The following RFTN1 variants were observed in gnomAD, a reference collection of about 807,000 sequenced individuals.
The protein encoded by RFTN1 is raftlin, lipid raft linker 1.
A neutral mutation model predicts 46.5 loss-of-function variants in RFTN1; 26 were observed. The observed-to-expected ratio is 0.56, with a 90% CI of 0.41 to 0.78. RFTN1 has a LOEUF of 0.78. Ranked by LOEUF, RFTN1 falls within the 30% of genes least tolerant of loss-of-function variation. The pLI, the probability that RFTN1 is intolerant of heterozygous loss-of-function variation, is 0.00. For synonymous variants in RFTN1, 261 were observed against 284.2 expected, an observed-to-expected ratio of 0.92 and a Z score of 0.82; for missense variants, 693 against 718.7, an observed-to-expected ratio of 0.96 and a Z score of 0.41.
Position 16,321,496 on chromosome 3 carries a change from C to A in RFTN1, c.1332+1880G>T, listed in dbSNP as rs115557196. 7.5e-3 allele frequency among the ~76,000 whole-genome samples: 1,135 copies of A among 152,234 alleles called. 19 individuals carry two copies. The highest frequency in any genetic ancestry group is 0.026 in the African/African-American group (1,066 of 41,522). ...ACTCTCGGTCACCAGGGGACACAGG[C>A]CTGTGGGAGTAGGACGCTGACCCTT... On this transcript the variant is annotated intron_variant, in intron 9 of 9. Coordinates refer to ENST00000334133, the MANE Select transcript of RFTN1 (RefSeq NM_015150.2). This position sits in a 1 kb window ranked among gnomAD's most constrained non-coding sequence, Gnocchi z 4.8.
rs368987967 is a variant in RFTN1, at chr3:16,365,324, C to A, written c.1030+4752G>T. 3.3e-5 allele frequency among the ~76,000 whole-genome samples: 5 copies of A among 152,200 alleles called. No homozygotes were observed. The East Asian group carries it at 9.6e-4, about 29-fold the overall frequency. On this transcript the variant is annotated intron_variant, in intron 6 of 9. Coordinates refer to ENST00000334133, the MANE Select transcript of RFTN1 (RefSeq NM_015150.2). ...CACCACTGGCATTATTGAGCATCAT[C>A]CAGAACTATCATTAGCCACCTTCTG...
chr3:16,436,945 C>T (rs1409299155), intron 2 of RFTN1, among the ~76,000 whole-genome samples: 1 of 152,170 alleles, frequency 6.6e-6, no homozygotes, highest in Non-Finnish European at 1.5e-5. Flanking sequence ...ATTCCCCTTG[C>T]TCCACTAAAA....
chr3:16,457,244 T>A lies in RFTN1; in HGVS notation c.146-23207A>T, dbSNP rs567997033. ...TCAGTAAACATTGCAGGGAGGCAAG[T>A]CTTCTTAAGAAGCAGTTTAACTCAG... On this transcript the variant is annotated intron_variant, in intron 2 of 9. Transcript: ENST00000334133. This position sits in a 1 kb window ranked among gnomAD's most constrained non-coding sequence, Gnocchi z 4.2. 6.6e-5 allele frequency among the ~76,000 whole-genome samples: 10 copies of A among 152,238 alleles called. No individual in the cohort carries two copies. The highest frequency in any genetic ancestry group is 1.2e-4 in the Non-Finnish European group (8 of 68,044).
chr3:16,408,028 T>A (rs532658557), intron 4 of RFTN1, among the ~76,000 whole-genome samples: 1 of 152,290 alleles, frequency 6.6e-6, no homozygotes, highest in South Asian at 2.1e-4. Flanking sequence ...AGCCTAATCA[T>A]TTTACTGTTA....
Position 16,338,047 on chromosome 3 carries a change from C to T in RFTN1, c.1147-11171G>A, listed in dbSNP as rs1181724183. 6.6e-6 allele frequency among the ~76,000 whole-genome samples: 1 copy of T among 152,232 alleles called. No individual in the cohort carries two copies. Among genetic ancestry groups the T allele is most frequent in the Non-Finnish European group, 1.5e-5 (1 of 68,038 alleles). ...GTTGCCCTGGCTTCTCCTAAAGCACCATGCCAAGCTGGCAAGAAAACCAAA... is the reference window on the plus strand; with the variant it reads ...GTTGCCCTGGCTTCTCCTAAAGCACTATGCCAAGCTGGCAAGAAAACCAAA... On this transcript the variant is annotated intron_variant, in intron 7 of 9. Transcript: ENST00000334133. This position sits in a 1 kb window ranked among gnomAD's most constrained non-coding sequence, Gnocchi z 5.3.
chr3:16,327,965 G>C lies in RFTN1; in HGVS notation c.1147-1089C>G, dbSNP rs1044272876. ...GTAACTGGACTCCTCATCCCTCATA[G>C]TTTGGCTTCTTGTAGTTGGCTTCCG... On this transcript the variant is annotated intron_variant, in intron 7 of 9. Transcript: ENST00000334133. The surrounding 1 kb of genome is among the most constrained non-coding windows in gnomAD (Gnocchi z 4.2). Among the ~76,000 whole-genome samples the C allele has an allele frequency of 6.6e-6, 1 of 152,214 alleles. No homozygotes were observed. Among genetic ancestry groups the C allele is most frequent in the Admixed American group, 6.5e-5 (1 of 15,288 alleles).
chr3:16,454,035 A>G (rs4685341), intron 2 of RFTN1, among the ~76,000 whole-genome samples: 125,114 of 152,214 alleles, frequency 0.82, 51,672 homozygotes, highest in African/African-American at 0.9. Flanking sequence ...GGTGAACAGG[A>G]CATGATGCCA....
Position 16,483,990 on chromosome 3 carries a change from A to C in RFTN1, c.145+9735T>G, listed in dbSNP as rs2076408208. On this transcript the variant is annotated intron_variant, in intron 2 of 9. Transcript: ENST00000334133. This position sits in a 1 kb window ranked among gnomAD's most constrained non-coding sequence, Gnocchi z 4.8. ...AGGTTGGGAACCACTCCTTTAAGCT[A>C]ATGATTAGTTTTAAAGGCTTTTCTG... 6.6e-6 allele frequency among the ~76,000 whole-genome samples: 1 copy of C among 152,254 alleles called. No homozygotes were observed. Among genetic ancestry groups the C allele is most frequent in the Admixed American group, 6.5e-5 (1 of 15,298 alleles).
At chr3:16,462,804 G>A (rs576787023) in intron 2 of RFTN1, among the ~76,000 whole-genome samples, 38 of 152,366 alleles carry the variant, frequency 2.5e-4, no homozygotes, top group African/African-American at 7.7e-4. Flanking sequence ...AATGGGTGCA[G>A]GTCTCGTTTG....
rs1192999786 is a variant in RFTN1 at position 16,329,517 on chromosome 3, C to A, written c.1147-2641G>T. 6.6e-6 allele frequency among the ~76,000 whole-genome samples: 1 copy of A among 152,152 alleles called. No homozygotes were observed. The highest frequency in any genetic ancestry group is 1.9e-4 in the East Asian group (1 of 5,184). On this transcript the variant is annotated intron_variant, in intron 7 of 9. Coordinates refer to ENST00000334133, the MANE Select transcript of RFTN1 (RefSeq NM_015150.2). The surrounding 1 kb of genome is among the most constrained non-coding windows in gnomAD (Gnocchi z 4.5). ...GCCAGAGATGGCCCAGCAGTTGTGACCATCCTTTCTGCCTGGCCTCTGGGC... is the reference window on the plus strand; with the variant it reads ...GCCAGAGATGGCCCAGCAGTTGTGAACATCCTTTCTGCCTGGCCTCTGGGC...
chr3:16,377,630 C>G, intron 5 of RFTN1, 88 bp downstream of exon 5: 1 of 1,506,776 alleles, frequency 6.6e-7, no homozygotes, highest in South Asian at 1.4e-5. Context: ...AAATTCCATT[C>G]CTTTTTCTCT....
rs536168302 is a variant in RFTN1 at position 16,403,597 on chromosome 3, A to T, written c.441+5778T>A. Among the ~76,000 whole-genome samples the T allele has an allele frequency of 3.3e-3, 209 of 63,478 alleles. 35 individuals are homozygous for T. The highest frequency in any genetic ancestry group is 0.016 in the African/African-American group (203 of 12,970). The allele number at this position is 63,478 out of a possible 152,430, so 41.6% of individuals were successfully genotyped here. Reference sequence around the variant, plus strand: ...ACATATATTATATTTTATATATATAATATATAATATATATATAATATATAT... The same window carrying T: ...ACATATATTATATTTTATATATATATTATATAATATATATATAATATATAT... On this transcript the variant is annotated intron_variant, in intron 4 of 9. Coordinates refer to ENST00000334133, the MANE Select transcript of RFTN1 (RefSeq NM_015150.2).
chr3:16,465,263 T>C lies in RFTN1; in HGVS notation c.145+28462A>G, dbSNP rs918867593. On this transcript the variant is annotated intron_variant, in intron 2 of 9. Coordinates refer to ENST00000334133, the MANE Select transcript of RFTN1 (RefSeq NM_015150.2). This position sits in a 1 kb window ranked among gnomAD's most constrained non-coding sequence, Gnocchi z 5.1. ...TAGTATTTCATAGAGGTTTTTGTTG[T>C]TGTTGTTCAGAAAATGAACATATAA... Among the ~76,000 whole-genome samples the C allele has an allele frequency of 2.6e-5, 4 of 152,032 alleles. No homozygotes were observed. The highest frequency in any genetic ancestry group is 9.7e-5 in the African/African-American group (4 of 41,424).
In RFTN1 at chr3:16,404,337, TATATATA is replaced by T. The variant is rs1439786923; in HGVS notation, c.441+5031_441+5037del. ...ATTATATATAATATATAATATATAA[TATATATA>T]ATATATAATATATATACACAATATA... On this transcript the variant is annotated intron_variant, in intron 4 of 9. Coordinates refer to ENST00000334133, the MANE Select transcript of RFTN1 (RefSeq NM_015150.2). Among the ~76,000 whole-genome samples the T allele has an allele frequency of 5.1e-4, 17 of 33,554 alleles. 3 individuals are homozygous for T. Among genetic ancestry groups the T allele is most frequent in the Non-Finnish European group, 8.6e-4 (16 of 18,602 alleles). 22.0% of individuals were successfully genotyped at this position (33,554 alleles called of 152,430 possible).
In RFTN1 at chr3:16,512,356, A is replaced by G. The variant is rs1044423979; in HGVS notation, c.-9+1086T>C. Among the ~76,000 whole-genome samples, 1 of 151,982 alleles carries G rather than the reference A, an allele frequency of 6.6e-6. No homozygotes were observed. The highest frequency in any genetic ancestry group is 1.5e-5 in the Non-Finnish European group (1 of 68,004). ...TCCTGAAACAGCTGTACCGACTACA[A>G]GGGTTCCAGCACATGAGTTGCTGGA... On this transcript the variant is annotated intron_variant, in intron 1 of 9. Transcript: ENST00000334133. This position sits in a 1 kb window ranked among gnomAD's most constrained non-coding sequence, Gnocchi z 4.3.
At chr3:16,434,126 G>C (rs2075450355) in intron 2 of RFTN1, 89 bp from the exon 3 acceptor site, 1 of 1,080,832 alleles carries the variant, frequency 9.3e-7, no homozygotes, top group African/African-American at 1.6e-5. Context: ...CCCTCGGGGA[G>C]GATCCTCTAG....
In RFTN1 at chr3:16,336,304, C is replaced by A. The variant is rs992499840; in HGVS notation, c.1147-9428G>T. ...GTGCCACTTGGGAAGCCTCTTCTGC[C>A]CCAGGAGATCCCAGTCTAGGGGTGG... On this transcript the variant is annotated intron_variant, in intron 7 of 9. Coordinates refer to ENST00000334133, the MANE Select transcript of RFTN1 (RefSeq NM_015150.2). This position sits in a 1 kb window ranked among gnomAD's most constrained non-coding sequence, Gnocchi z 6.0. Among the ~76,000 whole-genome samples, 1 of 152,182 alleles carries A rather than the reference C, an allele frequency of 6.6e-6. No homozygotes were observed. Among genetic ancestry groups the A allele is most frequent in the Non-Finnish European group, 1.5e-5 (1 of 68,020 alleles).
rs1041339077 is a variant in RFTN1, at chr3:16,342,564, A to G, written c.1146+15368T>C. The stretch of plus-strand genomic sequence containing the variant: ...AATATAGGGGTGGAATTGCTGGGTC[A>G]TATGGTAACTATGTTTAACATTTTG... On this transcript the variant is annotated intron_variant, in intron 7 of 9. Transcript: ENST00000334133. This position sits in a 1 kb window ranked among gnomAD's most constrained non-coding sequence, Gnocchi z 4.0. Among the ~76,000 whole-genome samples the G allele has an allele frequency of 6.6e-5, 10 of 152,218 alleles. No homozygotes were observed. Among genetic ancestry groups the G allele is most frequent in the Admixed American group, 2.6e-4 (4 of 15,272 alleles).
At position 16,474,440 on chromosome 3, in the gene RFTN1, C is replaced by T. The variant is rs574658001; in HGVS notation, c.145+19285G>A. Among the ~76,000 whole-genome samples the T allele has an allele frequency of 1.1e-4, 16 of 152,284 alleles. No individual in the cohort carries two copies. The highest frequency in any genetic ancestry group is 9.8e-4 in the Admixed American group (15 of 15,294). On this transcript the variant is annotated intron_variant, in intron 2 of 9. Transcript: ENST00000334133. The surrounding 1 kb of genome is among the most constrained non-coding windows in gnomAD (Gnocchi z 5.5). The stretch of plus-strand genomic sequence containing the variant: ...GCTGATTAATTAGTGAATGCTGCTG[C>T]TATTTGCCCTCCTCCCCCAAGATAA...
Sources: allele counts gnomAD v4.1 joint callset (sites outside exome capture counted in the v4.1 genomes callset), GRCh38; gene constraint gnomAD v4.1.1; non-coding constraint Gnocchi (gnomAD v3.1); transcripts MANE v1.5; gene names NCBI Gene and HGNC (gene_info 2026-07-23, HGNC 2026-07-21).